DLG2: variants seen among roughly 807,000 people sequenced by gnomAD.
DLG2 encodes disks large homolog 2.
DLG2 carries 45 observed loss-of-function variants against 132.5 expected under a neutral mutation model. That is an observed-to-expected ratio of 0.34 (90% CI 0.27 to 0.44). The LOEUF is 0.44. DLG2 is among the 20% of genes least tolerant of loss of function. The pLI, the probability that DLG2 is intolerant of heterozygous loss-of-function variation, is 1.00. For missense variants in DLG2, 1,045 were observed against 1,196.9 expected, an observed-to-expected ratio of 0.87 and a Z score of 1.87; for synonymous variants, 424 against 419.6, an observed-to-expected ratio of 1.01 and a Z score of -0.13.
chr11:84,598,098 A>G (rs2099568007), intron 6 of DLG2, among the ~76,000 whole-genome samples: 1 of 152,202 alleles, frequency 6.6e-6, no homozygotes. Flanking sequence ...ACAAGCTAAG[A>G]TAAGGTTTGG....
intron 7 of DLG2, among the ~76,000 whole-genome samples, chr11:84,462,750 T>C (rs2099083819): frequency 6.6e-6 from 1 of 151,014 alleles, no homozygotes; most frequent in South Asian, 2.1e-4. Flanking sequence ...AATACAAAAA[T>C]TCAATAACAT....
At chr11:84,880,556 G>T (rs576652368) in intron 6 of DLG2, among the ~76,000 whole-genome samples, 1 of 152,110 alleles carries the variant, frequency 6.6e-6, no homozygotes, top group Non-Finnish European at 1.5e-5. Flanking sequence ...ATATGGCCTT[G>T]CAGATGCTTA....
chr11:84,791,046 C>G (rs2073771188), intron 6 of DLG2, among the ~76,000 whole-genome samples: 1 of 152,132 alleles, frequency 6.6e-6, no homozygotes, highest in Non-Finnish European at 1.5e-5. Flanking sequence ...AGGAAACTTA[C>G]AGTCATGGTG....
intron 17 of DLG2, among the ~76,000 whole-genome samples, chr11:83,833,015 AG>A (rs770463762): frequency 2.0e-5 from 3 of 152,204 alleles, no homozygotes; most frequent in Admixed American, 6.5e-5. Flanking sequence ...ATTTTTAAAA[AG>A]GCATGCTTCT....
At chr11:85,050,118 TCACACACACACACA>T (rs33991615) in intron 6 of DLG2, among the ~76,000 whole-genome samples, 3 of 136,738 alleles carry the variant, frequency 2.2e-5, no homozygotes, top group Admixed American at 1.5e-4. Flanking sequence ...CACTGTGTCA[TCACACACACACACA>T]CACACACACA....
intron 3 of DLG2, among the ~76,000 whole-genome samples, chr11:85,479,665 A>G (rs2093239460): frequency 6.6e-6 from 1 of 152,188 alleles, no homozygotes; most frequent in South Asian, 2.1e-4. Flanking sequence ...TATTCATTGA[A>G]TTGGTTTGCG....
intron 16 of DLG2, among the ~76,000 whole-genome samples, chr11:83,845,172 C>G (rs1175752644): frequency 6.6e-6 from 1 of 151,986 alleles, no homozygotes. Context: ...CTTCCTGAAT[C>G]CTTTTTCCTT....
chr11:84,541,006 AC>A (rs1424355137), intron 6 of DLG2, among the ~76,000 whole-genome samples: 6 of 152,102 alleles, frequency 3.9e-5, no homozygotes, highest in African/African-American at 1.4e-4. Context: ...ACACTTGGAC[AC>A]AGGGTGGGGA....
At chr11:83,890,439 A>AT (rs2069438267) in intron 15 of DLG2, among the ~76,000 whole-genome samples, 3 of 151,762 alleles carry the variant, frequency 2.0e-5, no homozygotes, top group Admixed American at 2.0e-4. Context: ...CCTTGTTTTG[A>AT]TTTTTCCTTC....
chr11:83,917,897 C>T (rs76947824), intron 15 of DLG2, among the ~76,000 whole-genome samples: 8 of 152,126 alleles, frequency 5.3e-5, no homozygotes, highest in Admixed American at 4.6e-4. Context: ...GGAAAATCTA[C>T]AATTCGATTC....
intron 6 of DLG2, among the ~76,000 whole-genome samples, chr11:84,590,155 C>G (rs1448399008): frequency 6.6e-6 from 1 of 152,164 alleles, no homozygotes; most frequent in Admixed American, 6.6e-5. Flanking sequence ...CACTTGCTGT[C>G]ACACATAACA....
chr11:85,196,229 C>T (rs2081057272), intron 4 of DLG2, among the ~76,000 whole-genome samples: 1 of 152,182 alleles, frequency 6.6e-6, no homozygotes, highest in Non-Finnish European at 1.5e-5. Context: ...TCTTTAACAC[C>T]AAATGAAAAC....
chr11:84,124,847 C>CTCTT, intron 9 of DLG2, among the ~76,000 whole-genome samples: 1 of 121,204 alleles, frequency 8.3e-6, no homozygotes, highest in Non-Finnish European at 1.6e-5. Context: ...CTTGTTTTCA[C>CTCTT]TTTTTTTTTT....
intron 6 of DLG2, among the ~76,000 whole-genome samples, chr11:84,931,072 A>AT (rs2048025997): frequency 6.6e-6 from 1 of 152,084 alleles, no homozygotes. Context: ...TTCTGGGCAG[A>AT]TTCCAAACAG....
At chr11:83,693,649 T>C (rs908538810) in intron 18 of DLG2, 3 of 152,200 alleles carry the variant, frequency 2.0e-5, no homozygotes, top group Non-Finnish European at 4.4e-5. Context: ...TATCCTACAC[T>C]CTAAATGTGG....
chr11:84,013,310 A>G (rs1281089627), intron 11 of DLG2, among the ~76,000 whole-genome samples: 1 of 152,120 alleles, frequency 6.6e-6, no homozygotes, highest in Non-Finnish European at 1.5e-5. Context: ...TCTAGACTTC[A>G]TACTACACAT....
Position 85,036,858 on chromosome 11 carries a change from T to C in DLG2, c.357+74803A>G, listed in dbSNP as rs192849322. On this transcript the variant is annotated intron_variant, in intron 6 of 27. Coordinates refer to ENST00000376104, the MANE Select transcript of DLG2 (RefSeq NM_001142699.3). ...AAAAGGATGTATCAAGGCACTTCAT[T>C]TTCTGGGGAGGAGGGAGTGCTGATC... is the stretch of plus-strand genomic sequence containing the variant. 2.2e-3 allele frequency among the ~76,000 whole-genome samples: 338 copies of C among 152,258 alleles called. 1 individual carries two copies. Among genetic ancestry groups the C allele is most frequent in the African/African-American group, 7.9e-3 (327 of 41,558 alleles).
intron 8 of DLG2, chr11:84,166,939 CGGTAATATTTAAGTACCTT>C (rs769733930): frequency 1.9e-6 from 1 of 533,254 alleles, no homozygotes; most frequent in Admixed American, 1.9e-5. Flanking sequence ...GTAACACTTA[CGGTAATATTTAAGTACCTT>C]GGTCATATTT....
intron 3 of DLG2, among the ~76,000 whole-genome samples, chr11:85,545,146 T>C (rs956119268): frequency 6.6e-6 from 1 of 152,200 alleles, no homozygotes; most frequent in Non-Finnish European, 1.5e-5. Context: ...TAGCTCTTAG[T>C]ATTTTGAGCT....
Sources: gnomAD v4.1 joint callset for allele counts (sites outside exome capture counted in the v4.1 genomes callset) on GRCh38, gnomAD v4.1.1 for gene constraint, MANE v1.5 for transcripts, NCBI Gene and HGNC (gene_info 2026-07-23, HGNC 2026-07-21) for gene names.